PLXNA4: variants seen among roughly 807,000 people sequenced by gnomAD.
PLXNA4 encodes the protein plexin A4.
A neutral mutation model predicts 191.8 loss-of-function variants in PLXNA4; 44 were observed. The ratio of observed to expected loss-of-function variants is 0.23; its 90% CI spans 0.18 to 0.29. The LOEUF (loss-of-function observed/expected upper bound fraction) is 0.29, where lower values mean the gene tolerates loss of function less well. Among genes scored for constraint, PLXNA4 ranks in the 10% least tolerant of loss-of-function variants. The pLI is 1.00. For synonymous variants in PLXNA4, 1,082 were observed against 1,009.5 expected, an observed-to-expected ratio of 1.07 and a Z score of -1.36; for missense variants, 1,800 against 2,488.8, an observed-to-expected ratio of 0.72 and a Z score of 5.89.
intron 13 of PLXNA4, among the ~76,000 whole-genome samples, chr7:132,197,509 T>A (rs1797289758): frequency 6.6e-6 from 1 of 152,152 alleles, no homozygotes; most frequent in Admixed American, 6.5e-5. Context: ...CACAATATAT[T>A]AGCAGTGGCC....
chr7:132,319,393 T>A lies in PLXNA4; in HGVS notation c.1372-21171A>T, dbSNP rs557602830. On this transcript the variant is annotated intron_variant, in intron 3 of 31. Transcript: ENST00000321063. ...TAGAAAACTAGCATATTCCAGGTGC[T>A]GTGATGAGGGCTTCATCCTAGATCT... Among the ~76,000 whole-genome samples, 13 of 152,284 alleles carry A rather than the reference T, an allele frequency of 8.5e-5. No homozygotes were observed. The East Asian group carries it at 2.5e-3, about 29-fold the overall frequency.
intron 3 of PLXNA4, among the ~76,000 whole-genome samples, chr7:132,450,236 C>T (rs2021782): frequency 0.7 from 106,560 of 152,104 alleles, 43,402 homozygotes; most frequent in Non-Finnish European, 0.91. Context: ...TGCAGCCACA[C>T]AGTGCTGTGT....
At chr7:132,476,485 G>A (rs183576536) in intron 3 of PLXNA4, among the ~76,000 whole-genome samples, 1 of 152,324 alleles carries the variant, frequency 6.6e-6, no homozygotes, top group African/African-American at 2.4e-5. Flanking sequence ...CTCCACTCAG[G>A]ATTCTGACTC....
chr7:132,209,928 A>G (rs1797741993), intron 10 of PLXNA4, among the ~76,000 whole-genome samples: 1 of 152,112 alleles, frequency 6.6e-6, no homozygotes. Flanking sequence ...GGTGCATTAC[A>G]CCAAAGTGAA....
chr7:132,427,103 G>A (rs907627303), intron 3 of PLXNA4, among the ~76,000 whole-genome samples: 11 of 152,192 alleles, frequency 7.2e-5, no homozygotes, highest in African/African-American at 2.4e-4. Flanking sequence ...TGGGAGACTT[G>A]AGCAACCTAG....
chr7:132,548,922 T>C (rs952848343), intron 1 of PLXNA4, among the ~76,000 whole-genome samples: 2 of 152,166 alleles, frequency 1.3e-5, no homozygotes, highest in Non-Finnish European at 2.9e-5. Context: ...TATATGCTAA[T>C]TATAATACAG....
chr7:132,573,765 C>T (rs565152131), intron 1 of PLXNA4, among the ~76,000 whole-genome samples: 8 of 152,290 alleles, frequency 5.3e-5, no homozygotes, highest in Admixed American at 2.6e-4. Context: ...CCCGGGGAGG[C>T]GTGATTGGGT....
intron 1 of PLXNA4, among the ~76,000 whole-genome samples, chr7:132,511,470 A>G (rs1798712581): frequency 6.6e-6 from 1 of 152,220 alleles, no homozygotes; most frequent in Non-Finnish European, 1.5e-5. Context: ...CCCCAAACAG[A>G]AATCCTGGGA....
intron 2 of PLXNA4, among the ~76,000 whole-genome samples, chr7:132,502,374 C>T (rs1798292335): frequency 6.6e-6 from 1 of 152,202 alleles, no homozygotes; most frequent in East Asian, 1.9e-4. Context: ...AAAGAAACAG[C>T]TCCATCTCCT....
chr7:132,631,112 T>C (rs1371034542), intron 2 of PLXNA4, among the ~76,000 whole-genome samples: 2 of 152,234 alleles, frequency 1.3e-5, no homozygotes, highest in East Asian at 3.8e-4. Flanking sequence ...AATCTCACAT[T>C]TTATTTTTTA....
At position 132,125,250 on chromosome 7, in the gene PLXNA4, T is replaced by C. The variant is rs1336161855; in HGVS notation, c.*5229A>G. 1.3e-5 allele frequency: 2 copies of C among 152,158 alleles called. No homozygotes were observed. The highest frequency in any genetic ancestry group is 4.8e-5 in the African/African-American group (2 of 41,434). 9.4% of individuals were successfully genotyped at this position (152,158 alleles called of 1,614,324 possible). ...CTCCCCACTCTATAAAATAAGGCTCTTGTTTCCTACATAGAGAATGCCTGT... is the reference window on the plus strand; with the variant it reads ...CTCCCCACTCTATAAAATAAGGCTCCTGTTTCCTACATAGAGAATGCCTGT... On this transcript the variant is annotated 3_prime_UTR_variant, in exon 32 of 32. Coordinates refer to ENST00000321063, the MANE Select transcript of PLXNA4 (RefSeq NM_020911.2).
rs756936895 is a variant in PLXNA4, at chr7:132,228,389, G to T, written c.1685C>A (p.Thr562Lys). ...GACGGAGATATTGTTGGGATGGACC[G>T]TCAGCCGGACACACTGCTTCATCTC... ...ASEMKQCVRL[T>K]VHPNNISVSQ... is the part of the protein sequence containing the mutation. The change falls in exon 6 of 32, where the codon ACG becomes AAG. Residue 562 changes from threonine (T) to lysine (K), a missense_variant. Transcript: ENST00000321063. 1 of 1,614,012 alleles carries T rather than the reference G, an allele frequency of 6.2e-7. No individual in the cohort carries two copies. Among genetic ancestry groups the T allele is most frequent in the Non-Finnish European group, 8.5e-7 (1 of 1,180,042 alleles).
intron 3 of PLXNA4, among the ~76,000 whole-genome samples, chr7:132,481,561 CAT>C (rs750523608): frequency 4.6e-5 from 7 of 152,168 alleles, no homozygotes; most frequent in Non-Finnish European, 8.8e-5. Context: ...ATGTAAGTAA[CAT>C]GTGAAAACAT....
At chr7:132,564,544 C>T (rs1294555457) in intron 1 of PLXNA4, among the ~76,000 whole-genome samples, 1 of 152,104 alleles carries the variant, frequency 6.6e-6, no homozygotes, top group Non-Finnish European at 1.5e-5. Context: ...TTCTCTATTC[C>T]CACGTATGTT....
intron 3 of PLXNA4, among the ~76,000 whole-genome samples, chr7:132,318,317 G>A (rs1352617083): frequency 6.6e-6 from 1 of 152,208 alleles, no homozygotes; most frequent in Admixed American, 6.5e-5. Context: ...TCACTAAAGG[G>A]GAAACTGAGG....
At chr7:132,171,750 T>G (rs1796293892) in intron 21 of PLXNA4, among the ~76,000 whole-genome samples, 1 of 152,112 alleles carries the variant, frequency 6.6e-6, no homozygotes, top group Admixed American at 6.5e-5. Context: ...GCAGCATGGG[T>G]CTTAGAAGCA....
chr7:132,363,066 C>G (rs1382778590), intron 3 of PLXNA4, among the ~76,000 whole-genome samples: 1 of 152,160 alleles, frequency 6.6e-6, no homozygotes, highest in East Asian at 1.9e-4. Context: ...CTCACTGAAA[C>G]CTCTGCCTCC....
chr7:132,130,593 C>T lies in PLXNA4; in HGVS notation c.5590-19G>A. 1 of 1,613,988 alleles carries T rather than the reference C, an allele frequency of 6.2e-7. No individual in the cohort carries two copies. The highest frequency in any genetic ancestry group is 8.5e-7 in the Non-Finnish European group (1 of 1,179,926). ...CAAGGATCTGCGGAAGGGCCAAGAA[C>T]AGGGAGATTACTCATTTGTGTGTAC... On this transcript the variant is annotated intron_variant, in intron 31 of 31. Coordinates refer to ENST00000321063, the MANE Select transcript of PLXNA4 (RefSeq NM_020911.2).
intron 4 of PLXNA4, chr7:132,264,259 C>A (rs1799762208): frequency 6.6e-6 from 1 of 152,228 alleles, no homozygotes; most frequent in African/African-American, 2.4e-5. Context: ...CCCATCAGAA[C>A]CCTCTCCCCT....
Sources: allele counts gnomAD v4.1 joint callset (sites outside exome capture counted in the v4.1 genomes callset), GRCh38; gene constraint gnomAD v4.1.1; transcripts MANE v1.5; gene names NCBI Gene and HGNC (gene_info 2026-07-23, HGNC 2026-07-21).